The following GADL1 variants were observed in gnomAD, a reference collection of about 807,000 sequenced individuals.
GADL1 encodes the protein GAD like acidic amino acid decarboxylase 1, also known as acidic amino acid decarboxylase GADL1.
GADL1 carries 71 observed loss-of-function variants against 69.5 expected under a neutral mutation model. That is an observed-to-expected ratio of 1.02 (90% confidence interval 0.84 to 1.25). GADL1 has a LOEUF of 1.25. Among genes scored for constraint, GADL1 ranks in the 50% most tolerant of loss-of-function variants. The probability of loss-of-function intolerance (pLI) is 0.00; values close to 1 mark genes in which losing one functional copy is unlikely to be tolerated. For synonymous variants in GADL1, 254 were observed against 214.4 expected, an observed-to-expected ratio of 1.18 and a Z score of -1.62; for missense variants, 737 against 631.8, an observed-to-expected ratio of 1.17 and a Z score of -1.79.
intron 14 of GADL1, among the ~76,000 whole-genome samples, chr3:30,761,666 T>A (rs958794407): frequency 6.6e-6 from 1 of 151,860 alleles, no homozygotes; most frequent in Non-Finnish European, 1.5e-5. Flanking sequence ...AGTAACTTTT[T>A]AAAAAAGGAA....
At chr3:30,754,325 T>C (rs905192244) in intron 14 of GADL1, among the ~76,000 whole-genome samples, 1 of 152,054 alleles carries the variant, frequency 6.6e-6, no homozygotes, top group African/African-American at 2.4e-5. Context: ...TCTGTCAAAC[T>C]GATGAAACAA....
intron 14 of GADL1, among the ~76,000 whole-genome samples, chr3:30,757,182 G>GA (rs958318432): frequency 6.6e-6 from 1 of 152,008 alleles, no homozygotes; most frequent in Non-Finnish European, 1.5e-5. Context: ...AAATGTGATT[G>GA]AAAAAATAAG....
chr3:30,859,674 T>C (rs1235055268), intron 2 of GADL1, among the ~76,000 whole-genome samples: 1 of 152,000 alleles, frequency 6.6e-6, no homozygotes, highest in Non-Finnish European at 1.5e-5. Context: ...AATTCAGTTT[T>C]AAAAACTGGC....
At position 30,736,066 on chromosome 3, in the gene GADL1, T is replaced by C. The variant is rs112081177; in HGVS notation, c.1393-7651A>G. ...TAGCAAGTATTTTAATGTGGCCCTA[T>C]TGAATTCCATGCTCTCAATGTTTAT... On this transcript the variant is annotated intron_variant, in intron 14 of 14. Transcript: ENST00000282538. Among the ~76,000 whole-genome samples, 364 of 152,294 alleles carry C rather than the reference T, an allele frequency of 2.4e-3. 1 individual carries two copies. Among genetic ancestry groups the C allele is most frequent in the Non-Finnish European group, 3.0e-3 (206 of 68,018 alleles).
At chr3:30,761,430 GCA>G (rs1206934761) in intron 14 of GADL1, among the ~76,000 whole-genome samples, 1 of 151,944 alleles carries the variant, frequency 6.6e-6, no homozygotes, top group Non-Finnish European at 1.5e-5. Context: ...TGTCGGTGGC[GCA>G]CACACATTTT....
chr3:30,811,112 G>A (rs796620176), intron 11 of GADL1, among the ~76,000 whole-genome samples: 5 of 152,124 alleles, frequency 3.3e-5, no homozygotes, highest in Admixed American at 6.6e-5. Context: ...CTGCAGACCC[G>A]TTAGGGATTT....
At chr3:30,888,924 C>T (rs76871170) in intron 1 of GADL1, among the ~76,000 whole-genome samples, 4,857 of 151,332 alleles carry the variant, frequency 0.032, 203 homozygotes, top group African/African-American at 0.099. Flanking sequence ...AGAAACAGTG[C>T]GGAACCAACA....
chr3:30,834,861 C>CA (rs1697849268), intron 9 of GADL1, among the ~76,000 whole-genome samples: 2 of 151,936 alleles, frequency 1.3e-5, no homozygotes, highest in African/African-American at 4.8e-5. Context: ...ATTTTGTGAG[C>CA]AAAGGAGAGG....
At chr3:30,786,281 T>C in intron 13 of GADL1, 74 bp downstream of exon 13, 1 of 892,756 alleles carries the variant, frequency 1.1e-6, no homozygotes. Context: ...ATGAAACATA[T>C]AACAGATAAG....
At chr3:30,764,307 T>C (rs1422268214) in intron 14 of GADL1, among the ~76,000 whole-genome samples, 1 of 152,188 alleles carries the variant, frequency 6.6e-6, no homozygotes, top group Non-Finnish European at 1.5e-5. Flanking sequence ...AGACATGATC[T>C]GATAGATTCT....
At chr3:30,749,179 T>C (rs112463972) in intron 14 of GADL1, among the ~76,000 whole-genome samples, 1 of 152,248 alleles carries the variant, frequency 6.6e-6, no homozygotes, top group African/African-American at 2.4e-5. Context: ...TGGGGTATCA[T>C]AGTTTCTGTG....
chr3:30,845,166 C>T (rs979752644), intron 6 of GADL1, among the ~76,000 whole-genome samples: 8 of 152,108 alleles, frequency 5.3e-5, no homozygotes, highest in Non-Finnish European at 1.2e-4. Flanking sequence ...AGACAAACTA[C>T]TTTACTCAGC....
chr3:30,894,582 C>T lies in GADL1; in HGVS notation c.33G>A (p.Val11=). The change falls in exon 1 of 15, where the codon GTG becomes GTA. Residue 11 remains valine, a synonymous_variant. Transcript: ENST00000282538. The part of the protein sequence containing the change: MSSDSDRQCP[V]DGDIDQQEMI... ...GCAGCCGCGCTGAGTCGTTACCGTC[C>T]ACAGGACACTGGCGGTCCGAGTCGC... is the stretch of plus-strand genomic sequence containing the variant. 1 of 1,550,834 alleles carries T rather than the reference C, an allele frequency of 6.4e-7. No homozygotes were observed. The highest frequency in any genetic ancestry group is 8.7e-7 in the Non-Finnish European group (1 of 1,146,524).
chr3:30,836,699 C>T (rs917546808), intron 9 of GADL1, among the ~76,000 whole-genome samples: 3 of 152,056 alleles, frequency 2.0e-5, no homozygotes, highest in East Asian at 3.9e-4. Context: ...ATTTTAAATA[C>T]GTTTGTGCCT....
intron 14 of GADL1, among the ~76,000 whole-genome samples, chr3:30,761,429 C>T (rs937456641): frequency 3.9e-5 from 6 of 152,016 alleles, no homozygotes; most frequent in South Asian, 4.2e-4. Flanking sequence ...GTGTCGGTGG[C>T]GCACACACAT....
At position 30,891,723 on chromosome 3, in the gene GADL1, AT is replaced by A. The variant is rs540779986; in HGVS notation, c.37+2854del. 1.4e-3 allele frequency among the ~76,000 whole-genome samples: 211 copies of A among 152,300 alleles called. 1 individual carries two copies. Among genetic ancestry groups the A allele is most frequent in the Middle Eastern group, 6.8e-3 (2 of 294 alleles). The stretch of plus-strand genomic sequence containing the variant: ...GTTAACGAAGGTTACATAAGATGGT[AT>A]TTGTAGTTCGGCACAGCAATAGTAG... On this transcript the variant is annotated intron_variant, in intron 1 of 14. Coordinates refer to ENST00000282538, the MANE Select transcript of GADL1 (RefSeq NM_207359.3).
chr3:30,886,276 G>A (rs951092853), intron 1 of GADL1, among the ~76,000 whole-genome samples: 2 of 152,042 alleles, frequency 1.3e-5, no homozygotes, highest in Admixed American at 6.6e-5. Flanking sequence ...TTAGATTGAG[G>A]AATGTACTGT....
At chr3:30,890,313 G>A (rs988999074) in intron 1 of GADL1, among the ~76,000 whole-genome samples, 1 of 152,128 alleles carries the variant, frequency 6.6e-6, no homozygotes, top group Non-Finnish European at 1.5e-5. Flanking sequence ...TATGTGCCAG[G>A]CACTTTGCTA....
At chr3:30,832,623 G>A (rs1255084407) in intron 11 of GADL1, among the ~76,000 whole-genome samples, 1 of 151,878 alleles carries the variant, frequency 6.6e-6, no homozygotes, top group African/African-American at 2.4e-5. Flanking sequence ...ATACATTTTT[G>A]TTCTTATACC....
Sources: gnomAD v4.1 joint callset for allele counts (sites outside exome capture counted in the v4.1 genomes callset) on GRCh38, gnomAD v4.1.1 for gene constraint, MANE v1.5 for transcripts, NCBI Gene and HGNC (gene_info 2026-07-23, HGNC 2026-07-21) for gene names.